The following FER variants were observed in gnomAD, a reference collection of about 807,000 sequenced individuals.
FER encodes FER tyrosine kinase, also known as tyrosine-protein kinase Fer.
FER carries 63 observed loss-of-function variants against 111.0 expected under a neutral mutation model. That is an observed-to-expected ratio of 0.57 (90% CI 0.46 to 0.70). FER has a LOEUF of 0.70. Among genes scored for constraint, FER ranks in the 30% least tolerant of loss-of-function variants. FER has a pLI of 0.00. For missense variants in FER, 914 were observed against 954.0 expected (o/e 0.96, Z 0.55); for synonymous variants, 327 against 313.9 (o/e 1.04, Z -0.44).
intron 17 of FER, among the ~76,000 whole-genome samples, chr5:109,106,107 A>G (rs1582054356): frequency 1.3e-5 from 2 of 152,216 alleles, no homozygotes; most frequent in East Asian, 3.8e-4. Context: ...GCCTTGTACA[A>G]CAGAGGTATC....
intron 10 of FER, among the ~76,000 whole-genome samples, chr5:108,927,419 C>T (rs1006515883): frequency 1.3e-5 from 2 of 151,838 alleles, no homozygotes; most frequent in African/African-American, 2.4e-5. Flanking sequence ...CGCCACCGCG[C>T]CCGGCTAATT....
At chr5:109,146,024 G>A (rs929185263) in intron 17 of FER, among the ~76,000 whole-genome samples, 12 of 150,818 alleles carry the variant, frequency 8.0e-5, no homozygotes, top group South Asian at 6.3e-4. Context: ...TTTAAGATAC[G>A]TACAGATGAC....
In FER at chr5:109,079,598, A is replaced by G. The variant is rs75440684; in HGVS notation, c.1925-20798A>G. On this transcript the variant is annotated intron_variant, in intron 16 of 19. Transcript: ENST00000281092. ...TCTTCCCCTGTATGCACAGTTGGAA[A>G]TCATACTAATGTTGTTCTGGTTTTA... Among the ~76,000 whole-genome samples the G allele has an allele frequency of 9.9e-3, 1,506 of 152,268 alleles. 20 individuals carry two copies. Among genetic ancestry groups the G allele is most frequent in the African/African-American group, 0.034 (1,430 of 41,552 alleles).
intron 13 of FER, among the ~76,000 whole-genome samples, chr5:109,006,271 A>T (rs546686178): frequency 7.9e-5 from 12 of 152,358 alleles, no homozygotes; most frequent in Admixed American, 4.6e-4. Flanking sequence ...TGTAGCTGCC[A>T]TAATTCCCAC....
At chr5:109,103,506 C>G (rs1748509194) in intron 17 of FER, among the ~76,000 whole-genome samples, 1 of 152,094 alleles carries the variant, frequency 6.6e-6, no homozygotes, top group Admixed American at 6.5e-5. Context: ...TGGAAGTGTT[C>G]TTGTTGTAAT....
intron 14 of FER, among the ~76,000 whole-genome samples, chr5:109,040,638 T>C (rs1771036246): frequency 6.6e-6 from 1 of 152,110 alleles, no homozygotes; most frequent in South Asian, 2.1e-4. Context: ...ATAGCAAAGA[T>C]GTAATTCTTT....
Position 109,193,185 on chromosome 5 carries a change from G to A in FER, c.*5610G>A, listed in dbSNP as rs1759501033. 1 of 152,084 alleles carries A rather than the reference G, an allele frequency of 6.6e-6. No individual in the cohort carries two copies. Among genetic ancestry groups the A allele is most frequent in the Admixed American group, 6.6e-5 (1 of 15,254 alleles). The allele number at this position is 152,084 out of a possible 1,614,324, so 9.4% of individuals were successfully genotyped here. A position where few individuals can be genotyped will look rare whatever the true frequency, so the allele number is the denominator to read the frequency against. ...ACCTACGCTCCCTATAATCTCAGGA[G>A]GTAACCATTATTTAATCAGAATTAC... On this transcript the variant is annotated 3_prime_UTR_variant, in exon 20 of 20. Coordinates refer to ENST00000281092, the MANE Select transcript of FER (RefSeq NM_005246.4).
chr5:108,960,693 T>TTA (rs1410465118), intron 13 of FER, among the ~76,000 whole-genome samples: 4 of 152,174 alleles, frequency 2.6e-5, no homozygotes, highest in African/African-American at 9.7e-5. Flanking sequence ...ATTTGCAAAT[T>TTA]TATATTTATA....
intron 13 of FER, among the ~76,000 whole-genome samples, chr5:109,029,382 G>C (rs1478160073): frequency 6.8e-6 from 1 of 147,316 alleles, no homozygotes; most frequent in Non-Finnish European, 1.5e-5. Flanking sequence ...TATCTCCCAA[G>C]GCTTTCTTTA....
intron 9 of FER, among the ~76,000 whole-genome samples, chr5:108,894,162 C>T (rs1175326166): frequency 6.6e-6 from 1 of 151,956 alleles, no homozygotes; most frequent in Admixed American, 6.6e-5. Context: ...TTTTTCTCAC[C>T]TTCTCAACAG....
At chr5:108,807,094 C>T (rs1757286446) in intron 3 of FER, among the ~76,000 whole-genome samples, 1 of 152,118 alleles carries the variant, frequency 6.6e-6, no homozygotes, top group Admixed American at 6.5e-5. Flanking sequence ...GTGCTGTTCT[C>T]ATGTTAGTGA....
At chr5:108,847,813 A>T (rs182456503) in intron 5 of FER, among the ~76,000 whole-genome samples, 376 of 152,264 alleles carry the variant, frequency 2.5e-3, no homozygotes, top group African/African-American at 8.5e-3. Context: ...TCCGTTTGAT[A>T]TTAACGTAGC....
intron 5 of FER, among the ~76,000 whole-genome samples, chr5:108,854,058 G>T (rs1258589570): frequency 6.6e-6 from 1 of 152,200 alleles, no homozygotes; most frequent in African/African-American, 2.4e-5. Flanking sequence ...ATTCATGGTA[G>T]TTTGATAAAG....
Position 108,871,462 on chromosome 5 carries a change from G to A in FER, c.763G>A (p.Asp255Asn). 6.2e-7 allele frequency: 1 copy of A among 1,611,552 alleles called. No individual in the cohort carries two copies. Among genetic ancestry groups the A allele is most frequent in the Non-Finnish European group, 8.5e-7 (1 of 1,178,230 alleles). ...GATTCAAATGTCGGTTGAACAGATAGATCCTAGTACAGAATACAATAATTT... is the reference window on the plus strand; with the variant it reads ...GATTCAAATGTCGGTTGAACAGATAAATCCTAGTACAGAATACAATAATTT... ...KEIQMSVEQIDPSTEYNNFID... is the reference protein window; with the variant it reads ...KEIQMSVEQINPSTEYNNFID... The change falls in exon 7 of 20, where the codon GAT becomes AAT. Residue 255 changes from aspartate (D) to asparagine (N), a missense_variant. Physicochemically the swap from Asp to Asn is conservative, Grantham distance 23 (BLOSUM62 1). Around this residue, in one of 3 missense-constraint regions of FER, gnomAD observed 774 missense variants for 782.6 expected, o/e 0.99. Transcript: ENST00000281092.
At chr5:108,869,032 T>G (rs1471172149) in intron 6 of FER, among the ~76,000 whole-genome samples, 1 of 152,084 alleles carries the variant, frequency 6.6e-6, no homozygotes, top group Non-Finnish European at 1.5e-5. Context: ...GCGATAACCT[T>G]GAGCAGTAGG....
At chr5:108,798,897 G>C (rs1435328137) in intron 3 of FER, among the ~76,000 whole-genome samples, 2 of 152,098 alleles carry the variant, frequency 1.3e-5, no homozygotes, top group Non-Finnish European at 1.5e-5. Context: ...GTACCTCTCT[G>C]ATGCTCTGAC....
intron 1 of FER, among the ~76,000 whole-genome samples, chr5:108,749,275 AG>A (rs1750159204): frequency 6.6e-6 from 1 of 151,962 alleles, no homozygotes; most frequent in African/African-American, 2.4e-5. Flanking sequence ...CTACACACCC[AG>A]CCCCACGAGG....
intron 5 of FER, among the ~76,000 whole-genome samples, chr5:108,853,966 G>A (rs1333301430): frequency 6.6e-6 from 1 of 152,172 alleles, no homozygotes; most frequent in African/African-American, 2.4e-5. Flanking sequence ...TTAGGCAAGG[G>A]GTCATGCTGG....
chr5:109,024,734 A>G (rs541792831), intron 13 of FER, among the ~76,000 whole-genome samples: 2 of 152,278 alleles, frequency 1.3e-5, no homozygotes, highest in East Asian at 3.9e-4. Context: ...TTTCATTTTG[A>G]TGAGCCCCTG....
Sources: gnomAD v4.1 joint callset for allele counts (sites outside exome capture counted in the v4.1 genomes callset) on GRCh38, gnomAD v4.1.1 for gene constraint, gnomAD v4.1.1 regional missense constraint, MANE v1.5 for transcripts, NCBI Gene and HGNC (gene_info 2026-07-23, HGNC 2026-07-21) for gene names.